Variants in MAP3K3 observed in about 807,000 individuals in gnomAD.
MAP3K3 encodes the protein mitogen-activated protein kinase kinase kinase 3.
A neutral mutation model predicts 80.9 loss-of-function variants in MAP3K3; 12 were observed. The ratio of observed to expected loss-of-function variants is 0.15; its 90% CI spans 0.10 to 0.24. MAP3K3 has a LOEUF of 0.24. MAP3K3 is among the 10% of genes least tolerant of loss of function. The pLI is 1.00. For missense variants in MAP3K3, 596 were observed against 834.7 expected, an observed-to-expected ratio of 0.71 and a Z score of 3.52; for synonymous variants, 272 against 307.1, an observed-to-expected ratio of 0.89 and a Z score of 1.19.
At position 63,666,935 on chromosome 17, in the gene MAP3K3, T is replaced by C. The variant is rs2035010661; in HGVS notation, c.382-5T>C. 9 of 1,612,886 alleles carry C rather than the reference T, an allele frequency of 5.6e-6. No homozygotes were observed. The highest frequency in any genetic ancestry group is 1.7e-4 in the Middle Eastern group (1 of 6,052). ...TAGCTTGGCCTTTTTCCTCTTCTTT[T>C]ACAGAACAGTTCCTCTCCCCACTCT... On this transcript the variant is annotated splice_polypyrimidine_tract_variant and splice_region_variant and intron_variant, in intron 5 of 15. Coordinates refer to ENST00000361733, the MANE Select transcript of MAP3K3 (RefSeq NM_002401.5).
At chr17:63,662,452 A>G (rs2034913585) in intron 5 of MAP3K3, among the ~76,000 whole-genome samples, 1 of 151,796 alleles carries the variant, frequency 6.6e-6, no homozygotes, top group African/African-American at 2.4e-5. Flanking sequence ...GCACATAAAA[A>G]GTGTTTTTAT....
intron 12 of MAP3K3, chr17:63,690,731 C>T (rs2035568345): frequency 2.3e-6 from 1 of 439,148 alleles, no homozygotes; most frequent in East Asian, 4.1e-5. Flanking sequence ...GCTCTCAGCC[C>T]AGGAAGGAGC....
intron 7 of MAP3K3, 139 bp from the exon 8 acceptor site, chr17:63,685,378 C>G: frequency 1.4e-6 from 1 of 712,324 alleles, no homozygotes; most frequent in Non-Finnish European, 2.6e-6. Flanking sequence ...TCTAACTATT[C>G]TTCCCATTGC....
rs148570504 is a variant in MAP3K3, at chr17:63,647,515, G to A, written c.167+1441G>A. 1.7e-3 allele frequency among the ~76,000 whole-genome samples: 262 copies of A among 152,296 alleles called. 1 individual carries two copies. The highest frequency in any genetic ancestry group is 6.1e-3 in the African/African-American group (254 of 41,552). On this transcript the variant is annotated intron_variant, in intron 3 of 15. Coordinates refer to ENST00000361733, the MANE Select transcript of MAP3K3 (RefSeq NM_002401.5). Reference sequence around the variant, plus strand: ...GTGAGCAGGCTTACACTGAGAAAGTGTATGTGTTTGGTTTCAGAGAAGCTG... The same window carrying A: ...GTGAGCAGGCTTACACTGAGAAAGTATATGTGTTTGGTTTCAGAGAAGCTG...
chr17:63,660,979 C>T (rs764190286), intron 5 of MAP3K3, among the ~76,000 whole-genome samples: 3 of 152,254 alleles, frequency 2.0e-5, no homozygotes, highest in Non-Finnish European at 4.4e-5. Context: ...TTACCTCTCC[C>T]ACCTCACTTT....
chr17:63,663,725 C>T (rs2034941996), intron 5 of MAP3K3, among the ~76,000 whole-genome samples: 1 of 151,928 alleles, frequency 6.6e-6, no homozygotes, highest in South Asian at 2.1e-4. Context: ...GCAAGACCCC[C>T]ATCTCTACAA....
Position 63,681,756 on chromosome 17 carries a change from T to C in MAP3K3, c.503-10T>C. On this transcript the variant is annotated splice_polypyrimidine_tract_variant and intron_variant, in intron 6 of 15. Coordinates refer to ENST00000361733, the MANE Select transcript of MAP3K3 (RefSeq NM_002401.5). ...GCTCTGTTGTTGAAAGCCTCCTTTA[T>C]GTGCTCTAGGCTCCCAGAACCCTGG... The C allele has an allele frequency of 6.9e-7, 1 of 1,444,798 alleles. No individual in the cohort carries two copies. The highest frequency in any genetic ancestry group is 9.2e-7 in the Non-Finnish European group (1 of 1,088,950). The allele number at this position is 1,444,798 out of a possible 1,614,324, so 89.5% of individuals were successfully genotyped here.
intron 2 of MAP3K3, chr17:63,634,673 T>C (rs770567706): frequency 3.2e-6 from 5 of 1,543,034 alleles, no homozygotes; most frequent in Non-Finnish European, 4.5e-6. Flanking sequence ...GCACGAAGGA[T>C]ACAAATTATT....
At chr17:63,687,772 A>G (rs936906102) in intron 8 of MAP3K3, among the ~76,000 whole-genome samples, 6 of 150,734 alleles carry the variant, frequency 4.0e-5, no homozygotes, top group African/African-American at 1.5e-4. Context: ...GGTGGATCAC[A>G]AGGTCAAGAG....
At chr17:63,659,699 A>G (rs1639267362) in intron 5 of MAP3K3, among the ~76,000 whole-genome samples, 2 of 151,354 alleles carry the variant, frequency 1.3e-5, no homozygotes, top group African/African-American at 4.9e-5. Context: ...CGCCCCGCTA[A>G]TTTTTGTATT....
At chr17:63,632,903 T>A in intron 2 of MAP3K3, 101 bp downstream of exon 2, 1 of 1,460,496 alleles carries the variant, frequency 6.8e-7, no homozygotes, top group Non-Finnish European at 9.4e-7. Context: ...CAGGGTTGAA[T>A]GCTTTTGACC....
At position 63,693,806 on chromosome 17, in the gene MAP3K3, C is replaced by A; in HGVS notation, c.*29C>A. On this transcript the variant is annotated 3_prime_UTR_variant, in exon 16 of 16. Coordinates refer to ENST00000361733, the MANE Select transcript of MAP3K3 (RefSeq NM_002401.5). This position sits in a 1 kb window ranked among gnomAD's most constrained non-coding sequence, Gnocchi z 4.2. ...CTCACGGCCACACAGCTGCCGGTCG[C>A]CCTTTGCTGCATGGCAGGGGGCTGC... The A allele has an allele frequency of 1.3e-6, 2 of 1,572,298 alleles. No individual in the cohort carries two copies. Among genetic ancestry groups the A allele is most frequent in the Non-Finnish European group, 1.7e-6 (2 of 1,154,006 alleles).
chr17:63,692,734 C>T lies in MAP3K3; in HGVS notation c.1652+315C>T, dbSNP rs1346857343. Among the ~76,000 whole-genome samples the T allele has an allele frequency of 6.6e-6, 1 of 152,216 alleles. No homozygotes were observed. Among genetic ancestry groups the T allele is most frequent in the Non-Finnish European group, 1.5e-5 (1 of 68,026 alleles). The stretch of plus-strand genomic sequence containing the variant: ...CTCTCAACAGGAGCAGGCTTCTGTC[C>T]CTTCTCCTAGCACTCAAGACAGTTT... On this transcript the variant is annotated intron_variant, in intron 15 of 15. Coordinates refer to ENST00000361733, the MANE Select transcript of MAP3K3 (RefSeq NM_002401.5). The surrounding 1 kb of genome is among the most constrained non-coding windows in gnomAD (Gnocchi z 4.5).
At chr17:63,690,971 T>C in intron 12 of MAP3K3, 131 bp from the exon 13 acceptor site, 1 of 1,055,594 alleles carries the variant, frequency 9.5e-7, no homozygotes, top group Non-Finnish European at 1.4e-6. Flanking sequence ...GTTAAGAGAG[T>C]CCCCCTTTTC....
At chr17:63,671,285 C>A (rs559611090) in intron 6 of MAP3K3, among the ~76,000 whole-genome samples, 2 of 146,136 alleles carry the variant, frequency 1.4e-5, no homozygotes, top group East Asian at 3.9e-4. Flanking sequence ...GTGACGGAGT[C>A]TTGCTCTGTC....
intron 5 of MAP3K3, among the ~76,000 whole-genome samples, chr17:63,666,635 C>T (rs2035004879): frequency 6.6e-6 from 1 of 152,176 alleles, no homozygotes. Context: ...TTACAGCTCT[C>T]TTTTCTGTTT....
At chr17:63,671,260 C>CTTT (rs56093750) in intron 6 of MAP3K3, among the ~76,000 whole-genome samples, 6 of 141,164 alleles carry the variant, frequency 4.3e-5, no homozygotes, top group African/African-American at 7.9e-5. Context: ...AAATTATTTT[C>CTTT]TTTTTTTTTT....
chr17:63,638,598 G>T (rs895493030), intron 2 of MAP3K3, among the ~76,000 whole-genome samples: 4 of 152,210 alleles, frequency 2.6e-5, no homozygotes, highest in Non-Finnish European at 4.4e-5. Context: ...TCCTGAGCGT[G>T]GCTGTCACTA....
intron 6 of MAP3K3, among the ~76,000 whole-genome samples, chr17:63,675,752 C>CTAGA (rs1288448102): frequency 1.3e-5 from 2 of 152,194 alleles, no homozygotes; most frequent in Non-Finnish European, 2.9e-5. Context: ...CGCAGTGAGG[C>CTAGA]TAGAGCAAGT....
Sources: gnomAD v4.1 joint callset for allele counts (sites outside exome capture counted in the v4.1 genomes callset) on GRCh38, gnomAD v4.1.1 for gene constraint, Gnocchi (gnomAD v3.1) non-coding constraint, MANE v1.5 for transcripts, NCBI Gene and HGNC (gene_info 2026-07-23, HGNC 2026-07-21) for gene names.